Variants in SGCZ observed in about 807,000 individuals in gnomAD.
SGCZ encodes the protein sarcoglycan zeta.
In SGCZ, 40 loss-of-function variants were observed where a neutral mutation model predicts 41.3. The observed-to-expected ratio is 0.97, with a 90% confidence interval of 0.75 to 1.26. SGCZ has a LOEUF of 1.26. Ranked by LOEUF, SGCZ falls within the 50% of genes most tolerant of loss-of-function variation. The pLI is 0.00. For synonymous variants in SGCZ, 206 were observed against 137.5 expected, an observed-to-expected ratio of 1.50 and a Z score of -3.49; for missense variants, 552 against 369.8, an observed-to-expected ratio of 1.49 and a Z score of -4.04.
chr8:14,565,115 C>G (rs1317980930), intron 1 of SGCZ, among the ~76,000 whole-genome samples: 1 of 152,082 alleles, frequency 6.6e-6, no homozygotes, highest in Non-Finnish European at 1.5e-5. Context: ...CCAAGCCTGA[C>G]AGAAAAGAGA....
chr8:14,422,558 C>A (rs1407264160), intron 2 of SGCZ, among the ~76,000 whole-genome samples: 5 of 152,136 alleles, frequency 3.3e-5, no homozygotes, highest in Non-Finnish European at 7.3e-5. Context: ...AAAGAAAACT[C>A]ACATTTATGT....
intron 4 of SGCZ, among the ~76,000 whole-genome samples, chr8:14,181,882 C>T (rs148011416): frequency 6.6e-6 from 1 of 152,096 alleles, no homozygotes; most frequent in Non-Finnish European, 1.5e-5. Flanking sequence ...ACAATTATAG[C>T]CCTGATAAAC....
chr8:14,442,268 C>A lies in SGCZ; in HGVS notation c.234+112464G>T, dbSNP rs538004288. 2.6e-4 allele frequency among the ~76,000 whole-genome samples: 39 copies of A among 152,190 alleles called. No homozygotes were observed. The East Asian group carries it at 7.2e-3, about 28-fold the overall frequency. On this transcript the variant is annotated intron_variant, in intron 2 of 7. Coordinates refer to ENST00000382080, the MANE Select transcript of SGCZ (RefSeq NM_139167.4). The stretch of plus-strand genomic sequence containing the variant: ...GATCCGGTCTTGCCCGTGATATTCT[C>A]GTGATAATGAATAAGTATCATGAGA...
intron 1 of SGCZ, among the ~76,000 whole-genome samples, chr8:14,659,881 A>C (rs1454807685): frequency 6.6e-6 from 1 of 152,210 alleles, no homozygotes; most frequent in Non-Finnish European, 1.5e-5. Flanking sequence ...TACAGGTCAC[A>C]CTTTAGCCCT....
At position 14,651,116 on chromosome 8, in the gene SGCZ, T is replaced by C. The variant is rs188494678; in HGVS notation, c.40-96190A>G. On this transcript the variant is annotated intron_variant, in intron 1 of 7. Coordinates refer to ENST00000382080, the MANE Select transcript of SGCZ (RefSeq NM_139167.4). Reference sequence around the variant, plus strand: ...TTCTTCCTAGCCAATGGTAACCACATATACAATTAAGAATGTTACTATAAT... The same window carrying C: ...TTCTTCCTAGCCAATGGTAACCACACATACAATTAAGAATGTTACTATAAT... Among the ~76,000 whole-genome samples, 29 of 152,182 alleles carry C rather than the reference T, an allele frequency of 1.9e-4. No individual in the cohort carries two copies. In the East Asian group the frequency reaches 2.1e-3, roughly 11 times the overall value.
chr8:14,182,827 T>C (rs1194501561), intron 4 of SGCZ, among the ~76,000 whole-genome samples: 3 of 151,842 alleles, frequency 2.0e-5, no homozygotes, highest in Non-Finnish European at 4.4e-5. Context: ...CTGGTCAACA[T>C]TGTGAAACCC....
chr8:14,941,039 C>G (rs1800257992), intron 1 of SGCZ, among the ~76,000 whole-genome samples: 1 of 151,870 alleles, frequency 6.6e-6, no homozygotes, highest in African/African-American at 2.4e-5. Context: ...CAGGAAAATA[C>G]TAAATAGACA....
rs556292115 is a variant in SGCZ, at chr8:14,301,422, A to G, written c.336+22681T>C. Among the ~76,000 whole-genome samples, 94 of 152,194 alleles carry G rather than the reference A, an allele frequency of 6.2e-4. 1 individual carries two copies. Among genetic ancestry groups the G allele is most frequent in the Middle Eastern group, 3.4e-3 (1 of 294 alleles). On this transcript the variant is annotated intron_variant, in intron 3 of 7. Transcript: ENST00000382080. ...AAGCCTAACATCTTTACTGGAGTTA[A>G]TTATAACATGATACCTGTTTTACAC...
intron 1 of SGCZ, among the ~76,000 whole-genome samples, chr8:14,882,273 G>T (rs1240013654): frequency 2.0e-5 from 3 of 152,026 alleles, no homozygotes; most frequent in Non-Finnish European, 2.9e-5. Flanking sequence ...ATTCCTTGAG[G>T]GAACCTTTGG....
At chr8:14,374,471 A>AT (rs201487157) in intron 2 of SGCZ, among the ~76,000 whole-genome samples, 12 of 151,868 alleles carry the variant, frequency 7.9e-5, no homozygotes, top group Admixed American at 2.6e-4. Flanking sequence ...AACTAATTGA[A>AT]TTTTTTTTTC....
chr8:14,700,163 C>A (rs537847152), intron 1 of SGCZ, among the ~76,000 whole-genome samples: 1 of 151,766 alleles, frequency 6.6e-6, no homozygotes, highest in Non-Finnish European at 1.5e-5. Flanking sequence ...CTAGAACGCT[C>A]GCTGCAGCAA....
chr8:15,069,007 A>T (rs528017159), intron 1 of SGCZ, among the ~76,000 whole-genome samples: 1 of 152,314 alleles, frequency 6.6e-6, no homozygotes, highest in South Asian at 2.1e-4. Flanking sequence ...ATCGCCAAAA[A>T]ATACTCCCTA....
intron 1 of SGCZ, among the ~76,000 whole-genome samples, chr8:15,047,218 A>G (rs577017365): frequency 5.3e-5 from 8 of 152,166 alleles, no homozygotes; most frequent in Admixed American, 4.6e-4. Flanking sequence ...ATTGTTCAAA[A>G]CAAACTGTCT....
intron 2 of SGCZ, among the ~76,000 whole-genome samples, chr8:14,333,088 C>T (rs1010119963): frequency 6.6e-6 from 1 of 151,998 alleles, no homozygotes; most frequent in South Asian, 2.1e-4. Flanking sequence ...GAATCACTGT[C>T]AGCAAAAATC....
At position 14,727,263 on chromosome 8, in the gene SGCZ, G is replaced by C. The variant is rs961735986; in HGVS notation, c.40-172337C>G. On this transcript the variant is annotated intron_variant, in intron 1 of 7. Coordinates refer to ENST00000382080, the MANE Select transcript of SGCZ (RefSeq NM_139167.4). ...ACTCAACAGGATTATAAAAATGAAA[G>C]CCACAGTAAGATTCTATTTGAATAC... Among the ~76,000 whole-genome samples the C allele has an allele frequency of 2.0e-5, 3 of 152,224 alleles. No individual in the cohort carries two copies. The South Asian group carries it at 6.2e-4, about 32-fold the overall frequency.
intron 1 of SGCZ, among the ~76,000 whole-genome samples, chr8:14,970,311 T>C (rs965136237): frequency 6.6e-6 from 1 of 152,162 alleles, no homozygotes; most frequent in Non-Finnish European, 1.5e-5. Context: ...GTCTTGTCTT[T>C]CATCCTTATT....
intron 1 of SGCZ, among the ~76,000 whole-genome samples, chr8:14,832,757 T>G (rs1585302346): frequency 6.6e-6 from 1 of 152,110 alleles, no homozygotes; most frequent in East Asian, 1.9e-4. Flanking sequence ...CTATGAATAT[T>G]AGGCTCAATA....
intron 1 of SGCZ, among the ~76,000 whole-genome samples, chr8:15,058,561 T>C (rs370205347): frequency 1.3e-5 from 2 of 152,322 alleles, no homozygotes; most frequent in South Asian, 2.1e-4. Context: ...TTTCAACAGA[T>C]TTGTCAAACA....
At chr8:14,632,052 C>T (rs910599398) in intron 1 of SGCZ, among the ~76,000 whole-genome samples, 1 of 79,520 alleles carries the variant, frequency 1.3e-5, no homozygotes, top group South Asian at 2.9e-4. Context: ...GGGTCTTGTT[C>T]TGTTGCAGGT....
Sources: gnomAD v4.1 joint callset for allele counts (sites outside exome capture counted in the v4.1 genomes callset) on GRCh38, gnomAD v4.1.1 for gene constraint, MANE v1.5 for transcripts, NCBI Gene and HGNC (gene_info 2026-07-23, HGNC 2026-07-21) for gene names.